EPHA1: variants seen among roughly 807,000 people sequenced by gnomAD.
EPHA1 encodes the protein ephrin type-A receptor 1.
In EPHA1, 92 loss-of-function variants were observed where a neutral mutation model predicts 110.1. That is an observed-to-expected ratio of 0.84 (90% CI 0.71 to 0.99). The LOEUF is 0.99. EPHA1 is among the 50% of genes least tolerant of loss of function. The probability of loss-of-function intolerance (pLI) is 0.00; values close to 1 mark genes in which losing one functional copy is unlikely to be tolerated. For missense variants in EPHA1, 1,204 were observed against 1,285.4 expected, an observed-to-expected ratio of 0.94 and a Z score of 0.97; for synonymous variants, 500 against 516.1, an observed-to-expected ratio of 0.97 and a Z score of 0.42.
At chr7:143,405,216 T>G (rs1805515414) in intron 2 of EPHA1, among the ~76,000 whole-genome samples, 1 of 151,918 alleles carries the variant, frequency 6.6e-6, no homozygotes. Context: ...TGGTGAGTGG[T>G]TAACGTGCAG....
rs1049978283 is a variant in EPHA1, at chr7:143,401,131, G to A, written c.432+193C>T. On this transcript the variant is annotated intron_variant, in intron 3 of 17. Transcript: ENST00000275815. This position sits in a 1 kb window ranked among gnomAD's most constrained non-coding sequence, Gnocchi z 4.1. The stretch of plus-strand genomic sequence containing the variant: ...TGGTCTCAAGCTCCTGGCCTCAAGT[G>A]ATCTTCCCACATCGGTTTCCCAAAG... 1.4e-6 allele frequency: 1 copy of A among 701,204 alleles called. No homozygotes were observed. The highest frequency in any genetic ancestry group is 1.8e-5 in the African/African-American group (1 of 55,662). The allele number at this position is 701,204 out of a possible 1,614,324, so 43.4% of individuals were successfully genotyped here. A position where few individuals can be genotyped will look rare whatever the true frequency, so the allele number is the denominator to read the frequency against.
At chr7:143,406,363 T>G (rs908551600) in intron 2 of EPHA1, among the ~76,000 whole-genome samples, 1 of 152,220 alleles carries the variant, frequency 6.6e-6, no homozygotes, top group Non-Finnish European at 1.5e-5. Context: ...TGGCCATACA[T>G]GATTAGGTCC....
In EPHA1 at chr7:143,395,647, C is replaced by T; in HGVS notation, c.1898-143G>A. The T allele has an allele frequency of 3.6e-6, 3 of 834,790 alleles. No homozygotes were observed. Among genetic ancestry groups the T allele is most frequent in the Non-Finnish European group, 5.5e-6 (3 of 548,964 alleles). The allele number at this position is 834,790 out of a possible 1,614,324, so 51.7% of individuals were successfully genotyped here. A position where few individuals can be genotyped will look rare whatever the true frequency, so the allele number is the denominator to read the frequency against. ...TGCCCTTCCTGGGACAGGGCGTGGG[C>T]TGTCCTTCCTGGGGAAGGTCAGAGT... On this transcript the variant is annotated intron_variant, in intron 11 of 17. Coordinates refer to ENST00000275815, the MANE Select transcript of EPHA1 (RefSeq NM_005232.5). This position sits in a 1 kb window ranked among gnomAD's most constrained non-coding sequence, Gnocchi z 4.7.
Position 143,401,110 on chromosome 7 carries a change from C to T in EPHA1, c.432+214G>A. 1 of 635,330 alleles carries T rather than the reference C, an allele frequency of 1.6e-6. No individual in the cohort carries two copies. Among genetic ancestry groups the T allele is most frequent in the East Asian group, 2.8e-5 (1 of 35,500 alleles). 39.4% of individuals were successfully genotyped at this position (635,330 alleles called of 1,614,324 possible). A position where few individuals can be genotyped will look rare whatever the true frequency, so the allele number is the denominator to read the frequency against. ...GTTTTGCTATGTTGCCCAGGCTGGT[C>T]TCAAGCTCCTGGCCTCAAGTGATCT... On this transcript the variant is annotated intron_variant, in intron 3 of 17. Transcript: ENST00000275815. This position sits in a 1 kb window ranked among gnomAD's most constrained non-coding sequence, Gnocchi z 4.1.
At chr7:143,399,037 T>A in intron 5 of EPHA1, 92 bp from the exon 6 acceptor site, 1 of 1,253,928 alleles carries the variant, frequency 8.0e-7, no homozygotes. Flanking sequence ...ATTCTCGATG[T>A]CCTCTGAAGT....
At position 143,394,848 on chromosome 7, in the gene EPHA1, G is replaced by C. The variant is rs146094673; in HGVS notation, c.2312C>G (p.Thr771Ser). The change falls in exon 14 of 18, where the codon ACT becomes AGT. Residue 771 changes from threonine to serine, a missense_variant. Thr to Ser is a moderately conservative substitution (Grantham distance 58). Transcript: ENST00000275815. Reference sequence around the variant, plus strand: ...GCCATCAAAGTCATCCAGGAGGCGAGTCAGGCCAAAGTCAGACACCTTGCA... The same window carrying C: ...GCCATCAAAGTCATCCAGGAGGCGACTCAGGCCAAAGTCAGACACCTTGCA... ...LCCKVSDFGLTRLLDDFDGTY... is the reference protein window; with the variant it reads ...LCCKVSDFGLSRLLDDFDGTY... The C allele has an allele frequency of 1.2e-6, 2 of 1,614,044 alleles. No individual in the cohort carries two copies. Among genetic ancestry groups the C allele is most frequent in the Admixed American group, 1.7e-5 (1 of 60,008 alleles).
intron 2 of EPHA1, among the ~76,000 whole-genome samples, chr7:143,403,676 A>G (rs1805477819): frequency 6.6e-6 from 1 of 152,232 alleles, no homozygotes; most frequent in Non-Finnish European, 1.5e-5. Context: ...CCAGCAACAC[A>G]AGAGGGCTCA....
rs1171607086 is a variant in EPHA1 at position 143,401,582 on chromosome 7, C to A, written c.174G>T (p.Leu58=). 6.2e-7 allele frequency: 1 copy of A among 1,613,566 alleles called. No homozygotes were observed. Among genetic ancestry groups the A allele is most frequent in the Non-Finnish European group, 8.5e-7 (1 of 1,179,672 alleles). Residue 58 remains leucine (L), a synonymous_variant, in exon 3 of 18, where the codon CTG becomes CTT. Transcript: ENST00000275815. The surrounding 1 kb of genome is among the most constrained non-coding windows in gnomAD (Gnocchi z 4.1). ...GGTACATGTACAGGGGTGTCCCATT[C>A]AGTATCTGTTGCTGTTCACTCCACT... ...KDGWSEQQQI[L]NGTPLYMYQD...
In EPHA1 at chr7:143,393,951, G is replaced by A. The variant is rs1805166297; in HGVS notation, c.2503-87C>T. 8 of 1,441,554 alleles carry A rather than the reference G, an allele frequency of 5.5e-6. No individual in the cohort carries two copies. The highest frequency in any genetic ancestry group is 1.9e-4 in the Middle Eastern group (1 of 5,164). 89.3% of individuals were successfully genotyped at this position (1,441,554 alleles called of 1,614,324 possible). A position where few individuals can be genotyped will look rare whatever the true frequency, so the allele number is the denominator to read the frequency against. ...CCGACGGTCACACAAGATAATTGCA[G>A]TGGAGATCCTAGGATGGGAGGAGGT... is the stretch of plus-strand genomic sequence containing the variant. On this transcript the variant is annotated intron_variant, in intron 15 of 17. Transcript: ENST00000275815. The surrounding 1 kb of genome is among the most constrained non-coding windows in gnomAD (Gnocchi z 5.6).
rs749759396 is a variant in EPHA1 at position 143,398,632 on chromosome 7, G to GCCA, written c.1304_1305insTGG (p.Ser435_Thr436insGly). On this transcript the variant is annotated inframe_insertion, in exon 6 of 18. Coordinates refer to ENST00000275815, the MANE Select transcript of EPHA1 (RefSeq NM_005232.5). ...GCCCCATGCTGATGCTGACTGAGGT[G>GCCA]CTGGCATGGCCAGAGCTGCCCAGCC... 4.3e-6 allele frequency: 7 copies of GCCA among 1,613,918 alleles called. No individual in the cohort carries two copies. Among genetic ancestry groups the GCCA allele is most frequent in the Middle Eastern group, 1.6e-4 (1 of 6,084 alleles).
At position 143,398,603 on chromosome 7, in the gene EPHA1, G is replaced by T. The variant is rs771914513; in HGVS notation, c.1334C>A (p.Ala445Glu). ...CCCAGCCCCTCTCAGCCTCTCACCTGCATGCCCCATGCTGATGCTGACTGA... is the reference window on the plus strand; with the variant it reads ...CCCAGCCCCTCTCAGCCTCTCACCTTCATGCCCCATGCTGATGCTGACTGA... ...STSVSISMGHAESLSGLSLRL... is the reference protein window; with the variant it reads ...STSVSISMGHEESLSGLSLRL... Residue 445 changes from alanine (A) to glutamate (E), a missense_variant and splice_region_variant, in exon 6 of 18, where the codon GCA becomes GAA. Ala to Glu is a moderately radical substitution (Grantham distance 107). Transcript: ENST00000275815. The T allele has an allele frequency of 6.8e-6, 11 of 1,612,736 alleles. No individual in the cohort carries two copies. Among genetic ancestry groups the T allele is most frequent in the Non-Finnish European group, 9.3e-6 (11 of 1,179,170 alleles).
chr7:143,394,094 A>G, intron 15 of EPHA1, 100 bp downstream of exon 15: 1 of 1,469,874 alleles, frequency 6.8e-7, no homozygotes, highest in Non-Finnish European at 9.2e-7. Context: ...AAGGTCATGA[A>G]TAAATAAAGA....
Position 143,396,471 on chromosome 7 carries a change from G to T in EPHA1, c.1811C>A (p.Ala604Glu), listed in dbSNP as rs1419645656. Residue 604 changes from alanine (A) to glutamate (E), a missense_variant, in exon 11 of 18, where the codon GCA becomes GAA. Ala to Glu is a moderately radical substitution (Grantham distance 107, BLOSUM62 -1). Transcript: ENST00000275815. Reference protein sequence around the residue: ...LWLKPYVDLQAYEDPAQGALD... With the variant: ...LWLKPYVDLQEYEDPAQGALD... ...GGCTCCCTGTGCAGGGTCCTCGTAT[G>T]CCTGGAGGTCCACATAAGGCTTCAG... is the stretch of plus-strand genomic sequence containing the variant. 6.2e-7 allele frequency: 1 copy of T among 1,614,056 alleles called. No homozygotes were observed.
chr7:143,396,432 C>G lies in EPHA1; in HGVS notation c.1850G>C (p.Arg617Pro). The G allele has an allele frequency of 6.2e-7, 1 of 1,613,748 alleles. No individual in the cohort carries two copies. The highest frequency in any genetic ancestry group is 1.1e-5 in the South Asian group (1 of 91,026). ...CATCAGCCACGCTGGATCAAGCTCC[C>G]GGGTAAAGTCCAGGGCTCCCTGTGC... ...DPAQGALDFT[R>P]ELDPAWLMVD... The change falls in exon 11 of 18, where the codon CGG (arginine) becomes CCG (proline). Residue 617 changes from arginine to proline, a missense_variant. By Grantham distance (103) the Arg-to-Pro change is moderately radical. Transcript: ENST00000275815.
chr7:143,393,745 C>T lies in EPHA1; in HGVS notation c.2622G>A (p.Gln874=). The change falls in exon 16 of 18, where the codon CAG becomes CAA. Residue 874 remains glutamine, a synonymous_variant. Coordinates refer to ENST00000275815, the MANE Select transcript of EPHA1 (RefSeq NM_005232.5). This position sits in a 1 kb window ranked among gnomAD's most constrained non-coding sequence, Gnocchi z 5.6. The stretch of plus-strand genomic sequence containing the variant: ...GTTGCTCCAGATGTGCCTGAAGCTT[C>T]TGGAAGTGTGGCCGGCGGGCACGGT... The part of the protein sequence containing the change: ...AYDRARRPHF[Q]KLQAHLEQLL... 1 of 1,613,854 alleles carries T rather than the reference C, an allele frequency of 6.2e-7. No individual in the cohort carries two copies. Among genetic ancestry groups the T allele is most frequent in the Non-Finnish European group, 8.5e-7 (1 of 1,179,918 alleles).
chr7:143,399,608 C>A (rs1563118447), intron 4 of EPHA1, 43 bp downstream of exon 4: 1 of 1,608,220 alleles, frequency 6.2e-7, no homozygotes, highest in Admixed American at 1.7e-5. Flanking sequence ...CTCCTGCAAT[C>A]CTCCCGAGTG....
At position 143,399,788 on chromosome 7, in the gene EPHA1, G is replaced by A; in HGVS notation, c.698C>T (p.Pro233Leu). ...GGGCCTGGGGCTGGCCCGCGCGTGG[G>A]GCAAGCAGGTCCCCGCCACTTCCAC... ...GLVEVAGTCL[P>L]HARASPRPSG... is the part of the protein sequence containing the mutation. The change falls in exon 4 of 18, where the codon CCC (proline) becomes CTC (leucine). Residue 233 changes from proline (P) to leucine (L), a missense_variant. Transcript: ENST00000275815. 1 of 1,600,696 alleles carries A rather than the reference G, an allele frequency of 6.2e-7. No individual in the cohort carries two copies. Among genetic ancestry groups the A allele is most frequent in the Non-Finnish European group, 8.5e-7 (1 of 1,173,702 alleles).
At chr7:143,394,375 T>G in intron 14 of EPHA1, 32 bp from the exon 15 acceptor site, 1 of 1,598,032 alleles carries the variant, frequency 6.3e-7, no homozygotes, top group Non-Finnish European at 8.5e-7. Context: ...GGACGGAAAG[T>G]TATGGTGTCC....
chr7:143,392,046 C>G (rs759567419), intron 16 of EPHA1, among the ~76,000 whole-genome samples: 2 of 152,178 alleles, frequency 1.3e-5, no homozygotes, highest in Non-Finnish European at 2.9e-5. Context: ...GATCACCAGC[C>G]GGTCTCCTGC....
Sources: allele counts gnomAD v4.1 joint callset (sites outside exome capture counted in the v4.1 genomes callset), GRCh38; gene constraint gnomAD v4.1.1; non-coding constraint Gnocchi (gnomAD v3.1); transcripts MANE v1.5; gene names NCBI Gene and HGNC (gene_info 2026-07-23, HGNC 2026-07-21).